The following DNAH7 variants were observed in gnomAD, a reference collection of about 807,000 sequenced individuals.
DNAH7 encodes the protein axonemal beta dynein heavy chain 7.
Under a neutral mutation model 444.6 loss-of-function variants are expected in DNAH7, and 397 were observed. The observed-to-expected ratio is 0.89, with a 90% CI of 0.82 to 0.97. DNAH7 has a LOEUF of 0.97. Ranked by LOEUF, DNAH7 falls within the 50% of genes least tolerant of loss-of-function variation. DNAH7 has a pLI of 0.00. For synonymous variants in DNAH7, 1,636 were observed against 1,624.4 expected (o/e 1.01, Z -0.17); for missense variants, 4,902 against 4,800.8 (o/e 1.02, Z -0.62).
intron 12 of DNAH7, chr2:195,995,491 C>G (rs1693639680): frequency 3.0e-6 from 1 of 335,028 alleles, no homozygotes; most frequent in Non-Finnish European, 5.9e-6. Flanking sequence ...TTGAAACCAT[C>G]TGAGAGGTAC....
intron 54 of DNAH7, among the ~76,000 whole-genome samples, chr2:195,801,976 T>G (rs938991696): frequency 2.0e-5 from 3 of 152,196 alleles, no homozygotes; most frequent in Admixed American, 2.0e-4. Context: ...CCTGATAGCA[T>G]GGACCTACCT....
At chr2:195,918,604 A>C (rs80342921) in intron 24 of DNAH7, among the ~76,000 whole-genome samples, 2,816 of 152,358 alleles carry the variant, frequency 0.018, 87 homozygotes, top group African/African-American at 0.063. Flanking sequence ...TGTGTTATCA[A>C]GCTGCAAAAA....
chr2:195,936,674 A>G lies in DNAH7; in HGVS notation c.3197T>C (p.Leu1066Pro). The G allele has an allele frequency of 1.9e-6, 3 of 1,605,224 alleles. No individual in the cohort carries two copies. The highest frequency in any genetic ancestry group is 2.5e-6 in the Non-Finnish European group (3 of 1,176,968). Residue 1066 changes from leucine (L) to proline (P), a missense_variant, in exon 20 of 65, where the codon CTC becomes CCC. Physicochemically the swap from Leu to Pro is moderately conservative, Grantham distance 98 (BLOSUM62 -3). Coordinates refer to ENST00000312428, the MANE Select transcript of DNAH7 (RefSeq NM_018897.3). Reference protein sequence around the residue: ...GLNEYLEKKRLFFPRFFFLSN... With the variant: ...GLNEYLEKKRPFFPRFFFLSN... ...CAAAAAAAAGAATCTGGGGAAAAAG[A>G]GGCGTTTCTTTTCCAAATATTCATT...
At chr2:196,067,311 G>T (rs1698480901) in intron 1 of DNAH7, among the ~76,000 whole-genome samples, 1 of 152,100 alleles carries the variant, frequency 6.6e-6, no homozygotes, top group Non-Finnish European at 1.5e-5. Context: ...AGACTAACTT[G>T]GGCAACAAGC....
chr2:195,821,563 C>T (rs1486568467), intron 49 of DNAH7, among the ~76,000 whole-genome samples: 1 of 152,152 alleles, frequency 6.6e-6, no homozygotes, highest in Non-Finnish European at 1.5e-5. Flanking sequence ...ACCCACAAGA[C>T]CCAGGGCTCA....
chr2:195,810,625 C>A (rs1259101902), intron 51 of DNAH7, among the ~76,000 whole-genome samples: 1 of 140,516 alleles, frequency 7.1e-6, no homozygotes, highest in African/African-American at 2.6e-5. Context: ...ATCATCCTAG[C>A]TTTTTTTTTT....
intron 47 of DNAH7, among the ~76,000 whole-genome samples, chr2:195,844,343 A>G (rs1312938248): frequency 6.6e-6 from 1 of 152,194 alleles, no homozygotes; most frequent in Non-Finnish European, 1.5e-5. Context: ...ACTCTGAGAA[A>G]ACTGGCCGAG....
chr2:195,779,607 G>GT lies in DNAH7; in HGVS notation c.10879-1623dup, dbSNP rs201455996. Among the ~76,000 whole-genome samples the GT allele has an allele frequency of 6.1e-3, 920 of 151,380 alleles. 11 individuals are homozygous for GT. The highest frequency in any genetic ancestry group is 0.021 in the African/African-American group (852 of 41,250). On this transcript the variant is annotated intron_variant, in intron 58 of 64. Transcript: ENST00000312428. ...ACTTTTCCTATTAAAGTATTGTAGG[G>GT]TTTTTTTTGTTTGTTTTTTGAGTCA... is the stretch of plus-strand genomic sequence containing the variant.
intron 24 of DNAH7, among the ~76,000 whole-genome samples, chr2:195,915,547 A>T (rs1003405283): frequency 6.6e-6 from 1 of 152,232 alleles, no homozygotes; most frequent in Non-Finnish European, 1.5e-5. Context: ...AGAAGAAAAG[A>T]GTATTGAGCA....
intron 19 of DNAH7, 72 bp downstream of exon 19, chr2:195,957,189 T>C (rs1241650424): frequency 7.7e-7 from 1 of 1,298,510 alleles, no homozygotes; most frequent in Admixed American, 2.4e-5. Flanking sequence ...TAATGGCTTA[T>C]ATGGATTTCT....
At chr2:195,862,874 A>G (rs920083568) in intron 41 of DNAH7, among the ~76,000 whole-genome samples, 3 of 152,184 alleles carry the variant, frequency 2.0e-5, no homozygotes, top group Non-Finnish European at 4.4e-5. Flanking sequence ...CGTCTCTACT[A>G]AAAATACAAA....
chr2:195,853,408 C>T lies in DNAH7; in HGVS notation c.8716G>A (p.Gly2906Arg), dbSNP rs770366631. ...ACTCCGGAGGAAATGAGGATATCCC[C>T]AGTCAAGTTGATGTACAGCTGACCT... ...ELGQLYINLT[G>R]DILISSGVVA... The change falls in exon 46 of 65, where the codon GGG becomes AGG. Residue 2906 changes from glycine to arginine, a missense_variant. By Grantham distance (125) the Gly-to-Arg change is moderately radical. Coordinates refer to ENST00000312428, the MANE Select transcript of DNAH7 (RefSeq NM_018897.3). 1.2e-6 allele frequency: 2 copies of T among 1,613,952 alleles called. No individual in the cohort carries two copies. The highest frequency in any genetic ancestry group is 1.7e-6 in the Non-Finnish European group (2 of 1,179,996).
intron 25 of DNAH7, among the ~76,000 whole-genome samples, chr2:195,909,373 G>GA (rs1427708116): frequency 6.6e-6 from 1 of 152,120 alleles, no homozygotes; most frequent in Non-Finnish European, 1.5e-5. Context: ...ACAGGCTACA[G>GA]ACACAAGCTG....
chr2:196,032,020 C>T (rs181852088), intron 5 of DNAH7, among the ~76,000 whole-genome samples: 50 of 152,252 alleles, frequency 3.3e-4, no homozygotes, highest in Admixed American at 1.3e-3. Context: ...AAGACATACC[C>T]GAAACTGGGC....
In DNAH7 at chr2:196,068,807, G is replaced by A. The variant is rs1698578712; in HGVS notation, c.-96C>T. The A allele has an allele frequency of 3.4e-6, 5 of 1,478,178 alleles. No homozygotes were observed. The highest frequency in any genetic ancestry group is 4.6e-6 in the Non-Finnish European group (5 of 1,090,564). The allele number at this position is 1,478,178 out of a possible 1,614,324, so 91.6% of individuals were successfully genotyped here. On this transcript the variant is annotated 5_prime_UTR_variant, in exon 1 of 65. Coordinates refer to ENST00000312428, the MANE Select transcript of DNAH7 (RefSeq NM_018897.3). The stretch of plus-strand genomic sequence containing the variant: ...GAGGCAGGGCCCCGGGACTTGCAGC[G>A]GTCTCAGCTCCCTCCGCACCAGAGC...
At chr2:196,043,493 A>G (rs1035612512) in intron 5 of DNAH7, among the ~76,000 whole-genome samples, 6 of 152,196 alleles carry the variant, frequency 3.9e-5, no homozygotes, top group African/African-American at 9.6e-5. Flanking sequence ...ACTTCTGGAT[A>G]TTAGCTTAGG....
intron 45 of DNAH7, among the ~76,000 whole-genome samples, chr2:195,853,817 A>G (rs910224823): frequency 6.6e-6 from 1 of 152,190 alleles, no homozygotes; most frequent in Non-Finnish European, 1.5e-5. Flanking sequence ...TTAATTAATA[A>G]AGGACATTCT....
intron 23 of DNAH7, among the ~76,000 whole-genome samples, chr2:195,922,493 T>C (rs984423284): frequency 2.6e-5 from 4 of 152,192 alleles, no homozygotes; most frequent in South Asian, 2.1e-4. Context: ...GATGAGGAAA[T>C]TGATGCTTAA....
intron 46 of DNAH7, among the ~76,000 whole-genome samples, chr2:195,852,725 A>G (rs1699444243): frequency 6.6e-6 from 1 of 152,198 alleles, no homozygotes; most frequent in Non-Finnish European, 1.5e-5. Flanking sequence ...AATCAGTCAG[A>G]GAGGTGGGAG....
Sources: gnomAD v4.1 joint callset for allele counts (sites outside exome capture counted in the v4.1 genomes callset) on GRCh38, gnomAD v4.1.1 for gene constraint, MANE v1.5 for transcripts, NCBI Gene and HGNC (gene_info 2026-07-23, HGNC 2026-07-21) for gene names.